The following YPEL5 variants were observed in gnomAD, a reference collection of about 807,000 sequenced individuals.
The protein encoded by YPEL5 is yippee like 5.
YPEL5 carries 1 observed loss-of-function variant against 10.5 expected under a neutral mutation model. The ratio of observed to expected loss-of-function variants is 0.10; its 90% confidence interval spans 0.03 to 0.45. The LOEUF (loss-of-function observed/expected upper bound fraction) is 0.45. YPEL5 is among the 20% of genes least tolerant of loss of function. The pLI is 0.97. For synonymous variants in YPEL5, 61 were observed against 56.6 expected (o/e 1.08, Z -0.35); for missense variants, 68 against 159.3 (o/e 0.43, Z 3.09).
chr2:30,153,102 A>C (rs1029999615), intron 1 of YPEL5, among the ~76,000 whole-genome samples: 5 of 151,974 alleles, frequency 3.3e-5, no homozygotes, highest in Non-Finnish European at 4.4e-5. Flanking sequence ...GGGGTTTCAC[A>C]GTGTTAGCCA....
chr2:30,152,111 A>G (rs1041305354), intron 1 of YPEL5, among the ~76,000 whole-genome samples: 2 of 152,220 alleles, frequency 1.3e-5, no homozygotes, highest in Non-Finnish European at 2.9e-5. Context: ...ATTGAATTGT[A>G]CACTTGTAGT....
chr2:30,151,351 C>G (rs750874805), intron 1 of YPEL5, among the ~76,000 whole-genome samples: 47 of 151,420 alleles, frequency 3.1e-4, no homozygotes, highest in South Asian at 1.9e-3. Flanking sequence ...GGCAGAGATC[C>G]TAAAATGTTA....
chr2:30,152,283 T>G (rs1163136753), intron 1 of YPEL5, among the ~76,000 whole-genome samples: 1 of 152,224 alleles, frequency 6.6e-6, no homozygotes, highest in African/African-American at 2.4e-5. Context: ...CCTTTGACCA[T>G]ATTTTTGTAG....
intron 1 of YPEL5, among the ~76,000 whole-genome samples, chr2:30,153,036 G>A (rs552249947): frequency 6.6e-6 from 1 of 152,180 alleles, no homozygotes; most frequent in East Asian, 1.9e-4. Context: ...GAGTAGCTGG[G>A]ACTACAGGTG....
intron 1 of YPEL5, among the ~76,000 whole-genome samples, chr2:30,153,404 C>T (rs1477000079): frequency 6.6e-6 from 1 of 152,146 alleles, no homozygotes; most frequent in African/African-American, 2.4e-5. Flanking sequence ...TCTCTGGGAC[C>T]CTTTTATAAG....
rs1338113281 is a variant in YPEL5, at chr2:30,159,465, A to T, written c.*622A>T. ...TCACCACATAATTGGTGTTGATTGG[A>T]AACTTTTTCTGAGATGGGACAGAAC... is the stretch of plus-strand genomic sequence containing the variant. On this transcript the variant is annotated 3_prime_UTR_variant, in exon 3 of 3. Coordinates refer to ENST00000261353, the MANE Select transcript of YPEL5 (RefSeq NM_016061.3). 2 of 152,710 alleles carry T rather than the reference A, an allele frequency of 1.3e-5. No individual in the cohort carries two copies. The highest frequency in any genetic ancestry group is 2.9e-5 in the Non-Finnish European group (2 of 68,128). 9.5% of individuals were successfully genotyped at this position (152,710 alleles called of 1,614,324 possible).
At chr2:30,147,979 G>A (rs1675571841) in intron 1 of YPEL5, 1 of 151,966 alleles carries the variant, frequency 6.6e-6, no homozygotes, top group African/African-American at 2.4e-5. Context: ...AGCCCACCCG[G>A]GGGTCGCCCG....
Position 30,149,115 on chromosome 2 carries a change from AG to A in YPEL5, c.-25+2056del, listed in dbSNP as rs202135590. Among the ~76,000 whole-genome samples, 725 of 152,294 alleles carry A rather than the reference AG, an allele frequency of 4.8e-3. 9 individuals are homozygous for A. Among genetic ancestry groups the A allele is most frequent in the African/African-American group, 0.013 (549 of 41,558 alleles). Reference sequence around the variant, plus strand: ...AACGAGACCATGAAATTGTCTTGCTAGGGTTTAGCGGGGGATGACCAACTCA... The same window carrying A: ...AACGAGACCATGAAATTGTCTTGCTAGGTTTAGCGGGGGATGACCAACTCA... On this transcript the variant is annotated intron_variant, in intron 1 of 2. Transcript: ENST00000261353.
At chr2:30,150,237 A>G (rs1027987024) in intron 1 of YPEL5, among the ~76,000 whole-genome samples, 2 of 152,200 alleles carry the variant, frequency 1.3e-5, no homozygotes, top group Admixed American at 6.5e-5. Flanking sequence ...CTCATCTGTC[A>G]TAGGGTGAGT....
chr2:30,147,315 G>T (rs1362961456), intron 1 of YPEL5, among the ~76,000 whole-genome samples: 1 of 149,996 alleles, frequency 6.7e-6, no homozygotes, highest in Admixed American at 6.6e-5. Flanking sequence ...GGCGGCCGCC[G>T]TCGGCCCGCC....
At chr2:30,153,509 A>G (rs1043737254) in intron 1 of YPEL5, among the ~76,000 whole-genome samples, 2 of 152,218 alleles carry the variant, frequency 1.3e-5, no homozygotes, top group Admixed American at 6.5e-5. Context: ...CATTGAGACC[A>G]TAGCAGTGGC....
intron 1 of YPEL5, among the ~76,000 whole-genome samples, chr2:30,151,697 C>T (rs946223125): frequency 6.6e-6 from 1 of 152,076 alleles, no homozygotes; most frequent in Non-Finnish European, 1.5e-5. Context: ...AAAACTTAAG[C>T]TTTATGATGA....
intron 1 of YPEL5, among the ~76,000 whole-genome samples, chr2:30,155,028 C>T (rs144748027): frequency 0.029 from 4,340 of 152,184 alleles, 265 homozygotes; most frequent in East Asian, 0.14. Context: ...TGTGAGCCAC[C>T]GCACCTGGCC....
At position 30,156,730 on chromosome 2, in the gene YPEL5, C is replaced by T. The variant is rs1360504006; in HGVS notation, c.79C>T (p.Arg27Cys). Residue 27 changes from arginine to cysteine, a missense_variant, in exon 2 of 3, where the codon CGC becomes TGC. Around this residue, in one of 2 missense-constraint regions of YPEL5, gnomAD observed 48 missense variants for 138.4 expected, o/e 0.35. Coordinates refer to ENST00000261353, the MANE Select transcript of YPEL5 (RefSeq NM_016061.3). ...AAACTGTGATACGATCCTGACCAACCGCTCAGAACTCATCTCCACTCGTTT... is the reference window on the plus strand; with the variant it reads ...AAACTGTGATACGATCCTGACCAACTGCTCAGAACTCATCTCCACTCGTTT... The part of the protein sequence containing the change: ...CANCDTILTN[R>C]SELISTRFTG... The T allele has an allele frequency of 1.2e-6, 2 of 1,614,168 alleles. No individual in the cohort carries two copies. The highest frequency in any genetic ancestry group is 1.1e-5 in the South Asian group (1 of 91,082).
chr2:30,148,522 G>T (rs1675620918), intron 1 of YPEL5: 1 of 152,194 alleles, frequency 6.6e-6, no homozygotes, highest in Non-Finnish European at 1.5e-5. Flanking sequence ...AAAGTTTATC[G>T]CATACTTGTA....
At chr2:30,151,664 A>C (rs1675799587) in intron 1 of YPEL5, among the ~76,000 whole-genome samples, 3 of 152,180 alleles carry the variant, frequency 2.0e-5, no homozygotes, top group African/African-American at 2.4e-5. Context: ...TTATAACATG[A>C]TAAGGTAGGG....
At chr2:30,149,686 C>T (rs1013882012) in intron 1 of YPEL5, among the ~76,000 whole-genome samples, 2 of 152,174 alleles carry the variant, frequency 1.3e-5, no homozygotes, top group Non-Finnish European at 2.9e-5. Flanking sequence ...AGAGTCATTG[C>T]GAAACAAAAC....
At chr2:30,152,598 A>T (rs557351741) in intron 1 of YPEL5, among the ~76,000 whole-genome samples, 1 of 152,338 alleles carries the variant, frequency 6.6e-6, no homozygotes, top group South Asian at 2.1e-4. Flanking sequence ...TGAGGGAGAG[A>T]GTAAATCTGA....
At chr2:30,155,100 G>T (rs1675983606) in intron 1 of YPEL5, among the ~76,000 whole-genome samples, 1 of 152,190 alleles carries the variant, frequency 6.6e-6, no homozygotes, top group Admixed American at 6.5e-5. Context: ...GCTGAAATAA[G>T]GCAATAAGTG....
Sources: allele counts gnomAD v4.1 joint callset (sites outside exome capture counted in the v4.1 genomes callset), GRCh38; gene constraint gnomAD v4.1.1; regional missense constraint gnomAD v4.1.1; transcripts MANE v1.5; gene names NCBI Gene and HGNC (gene_info 2026-07-23, HGNC 2026-07-21).